HEATR5B: variants seen among roughly 807,000 people sequenced by gnomAD.
HEATR5B encodes HEAT repeat containing 5B, also known as HEAT repeat-containing protein 5B.
A neutral mutation model predicts 224.1 loss-of-function variants in HEATR5B; 156 were observed. The ratio of observed to expected loss-of-function variants is 0.70; its 90% confidence interval spans 0.61 to 0.80. HEATR5B has a LOEUF of 0.80. Among genes scored for constraint, HEATR5B ranks in the 30% least tolerant of loss-of-function variants. The pLI is 0.00. For synonymous variants in HEATR5B, 1,027 were observed against 893.0 expected, an observed-to-expected ratio of 1.15 and a Z score of -2.68; for missense variants, 2,323 against 2,535.5, an observed-to-expected ratio of 0.92 and a Z score of 1.80.
chr2:37,030,348 T>G (rs983040086), intron 22 of HEATR5B, among the ~76,000 whole-genome samples: 4 of 152,196 alleles, frequency 2.6e-5, no homozygotes, highest in Admixed American at 2.0e-4. Flanking sequence ...TTTTTTTCAC[T>G]AAGCAGTAGA....
intron 29 of HEATR5B, 145 bp from the exon 30 acceptor site, chr2:37,005,904 C>T (rs1667385244): frequency 1.8e-6 from 1 of 563,550 alleles, no homozygotes; most frequent in Non-Finnish European, 2.9e-6. Context: ...AAAATGGTTT[C>T]CAAGTTAAAC....
At chr2:37,032,890 T>G in intron 21 of HEATR5B, 117 bp from the exon 22 acceptor site, 1 of 945,058 alleles carries the variant, frequency 1.1e-6, no homozygotes. Context: ...TTTTGTTTTT[T>G]TTTTTTTGAG....
Position 37,027,951 on chromosome 2 carries a change from T to C in HEATR5B, c.3825A>G (p.Ala1275=). 1 of 1,614,196 alleles carries C rather than the reference T, an allele frequency of 6.2e-7. No individual in the cohort carries two copies. The highest frequency in any genetic ancestry group is 1.3e-5 in the African/African-American group (1 of 75,072). ...TAGGGTTTCGAAGTTTAGCAGAACG[T>C]GCCAAGGCAAGATCAAAGTGAGCCT... ...ADQAHFDLAL[A]RSAKLRNPTN... Residue 1275 remains alanine (A), a synonymous_variant, in exon 24 of 36, where the codon GCA becomes GCG. Coordinates refer to ENST00000233099, the MANE Select transcript of HEATR5B (RefSeq NM_019024.3).
chr2:36,994,014 T>C (rs945073090), intron 33 of HEATR5B, among the ~76,000 whole-genome samples: 26 of 152,054 alleles, frequency 1.7e-4, no homozygotes, highest in Non-Finnish European at 8.8e-5. Flanking sequence ...TTAGGACAAG[T>C]AGTGCCAAAT....
At chr2:37,012,724 T>C (rs1368352215) in intron 27 of HEATR5B, among the ~76,000 whole-genome samples, 1 of 152,100 alleles carries the variant, frequency 6.6e-6, no homozygotes, top group Non-Finnish European at 1.5e-5. Flanking sequence ...CAGAGGAAGG[T>C]GCTGAAGACA....
intron 8 of HEATR5B, among the ~76,000 whole-genome samples, chr2:37,067,741 C>T (rs1421793748): frequency 1.3e-5 from 2 of 152,136 alleles, no homozygotes; most frequent in African/African-American, 4.8e-5. Flanking sequence ...CACTGCACTC[C>T]AGCCCGGACA....
At chr2:37,049,632 T>A (rs140940659) in intron 18 of HEATR5B, 21 bp downstream of exon 18, 2 of 1,599,638 alleles carry the variant, frequency 1.3e-6, no homozygotes, top group Non-Finnish European at 1.7e-6. Context: ...ATGAAACTTG[T>A]TAGTAAAGAA....
At chr2:37,050,087 C>T (rs1222679938) in intron 17 of HEATR5B, among the ~76,000 whole-genome samples, 2 of 151,944 alleles carry the variant, frequency 1.3e-5, no homozygotes, top group Middle Eastern at 3.4e-3. Context: ...GAGACAGGGT[C>T]TTACTAAGTT....
chr2:37,037,772 C>A, intron 21 of HEATR5B, 83 bp downstream of exon 21: 1 of 935,242 alleles, frequency 1.1e-6, no homozygotes, highest in Non-Finnish European at 1.5e-6. Context: ...ATATATATAG[C>A]TAGTATGTAT....
At chr2:37,083,014 G>C (rs1465149110) in intron 2 of HEATR5B, among the ~76,000 whole-genome samples, 1 of 152,124 alleles carries the variant, frequency 6.6e-6, no homozygotes, top group African/African-American at 2.4e-5. Flanking sequence ...CACTTGCAAC[G>C]GGTGACGATG....
chr2:37,023,486 T>C, intron 24 of HEATR5B, among the ~76,000 whole-genome samples: 1 of 152,144 alleles, frequency 6.6e-6, no homozygotes, highest in East Asian at 1.9e-4. Flanking sequence ...AAAGAATATC[T>C]GGCCAGGTGC....
intron 27 of HEATR5B, among the ~76,000 whole-genome samples, chr2:37,013,091 T>A (rs1040182132): frequency 1.3e-4 from 20 of 152,226 alleles, no homozygotes; most frequent in Admixed American, 3.9e-4. Flanking sequence ...AGTAAGGGAA[T>A]GAGAAAAGTT....
chr2:37,082,052 CTTTTTTTTTTTTTTTTTT>C (rs61036576), intron 2 of HEATR5B, among the ~76,000 whole-genome samples: 51 of 23,960 alleles, frequency 2.1e-3, no homozygotes, highest in Middle Eastern at 0.1. Context: ...GAAGTATCTA[CTTTTTTTTTTTTTTTTTT>C]TTTTTTTTTT....
chr2:37,009,256 C>CAAAAAA (rs57022846), intron 27 of HEATR5B, among the ~76,000 whole-genome samples: 9 of 65,656 alleles, frequency 1.4e-4, no homozygotes, highest in African/African-American at 3.3e-4. Flanking sequence ...GACTCTGTCT[C>CAAAAAA]AAAAAAAAAA....
rs764036304 is a variant in HEATR5B, at chr2:37,028,729, G to C, written c.3553C>G (p.Leu1185Val). Reference sequence around the variant, plus strand: ...TTACAAAGCATTAGCCAATGAGAAAGTTTTTCTACTGCCAGCGAAGAAAGC... The same window carrying C: ...TTACAAAGCATTAGCCAATGAGAAACTTTTTCTACTGCCAGCGAAGAAAGC... ...HMLSSLAVEK[L>V]SHWLMLCKDV... The change falls in exon 23 of 36, where the codon CTT (leucine) becomes GTT (valine). Residue 1185 changes from leucine (L) to valine (V), a missense_variant. By Grantham distance (32) the Leu-to-Val change is conservative (BLOSUM62 1). This residue lies in a region of HEATR5B where 339 missense variants were observed against 378.4 expected (regional missense o/e 0.90). Coordinates refer to ENST00000233099, the MANE Select transcript of HEATR5B (RefSeq NM_019024.3). 16 of 1,613,940 alleles carry C rather than the reference G, an allele frequency of 9.9e-6. No homozygotes were observed. The South Asian group carries it at 1.2e-4, about 12-fold the overall frequency.
chr2:37,041,258 C>CAAG lies in HEATR5B; in HGVS notation c.2730_2731insCTT (p.Thr910_Gly911insLeu). The CAAG allele has an allele frequency of 6.2e-7, 1 of 1,614,050 alleles. No individual in the cohort carries two copies. The highest frequency in any genetic ancestry group is 8.5e-7 in the Non-Finnish European group (1 of 1,180,006). ...AAACAACCAAGAGCCAATGAATGACCAGTCCTAGATACAACATCTCGAGCC... is the reference window on the plus strand; with the variant it reads ...AAACAACCAAGAGCCAATGAATGACCAAGAGTCCTAGATACAACATCTCGAGCC... On this transcript the variant is annotated inframe_insertion, in exon 19 of 36. Coordinates refer to ENST00000233099, the MANE Select transcript of HEATR5B (RefSeq NM_019024.3).
rs11362647 is a variant in HEATR5B at position 36,993,828 on chromosome 2, GAA to G, written c.5546-3031_5546-3030del. On this transcript the variant is annotated intron_variant, in intron 33 of 35. Coordinates refer to ENST00000233099, the MANE Select transcript of HEATR5B (RefSeq NM_019024.3). ...GCATACATTGAATCTAACCTGAGAG[GAA>G]AAAAAAAAATTAGACAATTCTAAAC... 1.1e-4 allele frequency among the ~76,000 whole-genome samples: 16 copies of G among 148,976 alleles called. No individual in the cohort carries two copies. In the Middle Eastern group the frequency reaches 0.014, roughly 129 times the overall value.
At chr2:37,075,794 C>G in intron 4 of HEATR5B, 160 bp from the exon 5 acceptor site, 1 of 463,834 alleles carries the variant, frequency 2.2e-6, no homozygotes, top group Non-Finnish European at 3.7e-6. Flanking sequence ...TAGAAAGTAC[C>G]TGGCAAGTAA....
intron 17 of HEATR5B, among the ~76,000 whole-genome samples, chr2:37,050,285 T>C (rs776126577): frequency 3.3e-5 from 5 of 152,246 alleles, no homozygotes; most frequent in South Asian, 2.1e-4. Context: ...CACATGTATA[T>C]ACTAATGTCT....
Sources: gnomAD v4.1 joint callset for allele counts (sites outside exome capture counted in the v4.1 genomes callset) on GRCh38, gnomAD v4.1.1 for gene constraint, gnomAD v4.1.1 regional missense constraint, MANE v1.5 for transcripts, NCBI Gene and HGNC (gene_info 2026-07-23, HGNC 2026-07-21) for gene names.